Variants in RAP1GAP2 observed in about 807,000 individuals in gnomAD.
RAP1GAP2 encodes the protein RAP1 GTPase activating protein 2.
RAP1GAP2 carries 27 observed loss-of-function variants against 95.0 expected under a neutral mutation model. That is an observed-to-expected ratio of 0.28 (90% CI 0.21 to 0.39). RAP1GAP2 has a LOEUF of 0.39. RAP1GAP2 is among the 10% of genes least tolerant of loss of function. The pLI is 1.00. For synonymous variants in RAP1GAP2, 373 were observed against 380.9 expected, an observed-to-expected ratio of 0.98 and a Z score of 0.24; for missense variants, 771 against 970.0, an observed-to-expected ratio of 0.79 and a Z score of 2.72.
At chr17:2,972,598 CAAAAA>C (rs35539479) in intron 8 of RAP1GAP2, among the ~76,000 whole-genome samples, 1 of 85,530 alleles carries the variant, frequency 1.2e-5, no homozygotes, top group African/African-American at 5.1e-5. Flanking sequence ...AAGTCCTTCT[CAAAAA>C]AAAAAAAAAA....
At chr17:2,839,786 T>C (rs1373438919) in intron 2 of RAP1GAP2, among the ~76,000 whole-genome samples, 1 of 152,172 alleles carries the variant, frequency 6.6e-6, no homozygotes, top group Admixed American at 6.6e-5. Context: ...AGACCAGGTA[T>C]AGAACCATTT....
At chr17:2,786,180 C>T (rs961894144) in intron 1 of RAP1GAP2, among the ~76,000 whole-genome samples, 15 of 152,124 alleles carry the variant, frequency 9.9e-5, no homozygotes, top group Admixed American at 5.9e-4. Context: ...GGATTACAGG[C>T]GTGAGCCACC....
intron 13 of RAP1GAP2, 106 bp downstream of exon 13, chr17:2,995,572 T>G: frequency 6.9e-7 from 1 of 1,443,158 alleles, no homozygotes. Context: ...TTCGTTCCCG[T>G]AGCCGGCCAT....
intron 3 of RAP1GAP2, among the ~76,000 whole-genome samples, chr17:2,924,885 G>A (rs1597623769): frequency 6.6e-6 from 1 of 152,160 alleles, no homozygotes; most frequent in Admixed American, 6.5e-5. Flanking sequence ...TTCCTCCGGG[G>A]GGCTAGTGGG....
chr17:2,841,463 G>A (rs1480765275), intron 2 of RAP1GAP2, among the ~76,000 whole-genome samples: 2 of 151,396 alleles, frequency 1.3e-5, no homozygotes, highest in Non-Finnish European at 2.9e-5. Flanking sequence ...GCCACCACAC[G>A]CGGCTAATTT....
chr17:3,027,098 C>A lies in RAP1GAP2; in HGVS notation c.2107+28C>A. ...CAGTGGCATCTGGTGGTGTGTGTGA[C>A]GTCACCAGGAGGGCAGGCTGTGCCC... On this transcript the variant is annotated intron_variant, in intron 22 of 24. Coordinates refer to ENST00000254695, the MANE Select transcript of RAP1GAP2 (RefSeq NM_015085.5). This position sits in a 1 kb window ranked among gnomAD's most constrained non-coding sequence, Gnocchi z 5.2. 1 of 1,555,220 alleles carries A rather than the reference C, an allele frequency of 6.4e-7. No individual in the cohort carries two copies. The highest frequency in any genetic ancestry group is 8.7e-7 in the Non-Finnish European group (1 of 1,148,342).
rs1012288270 is a variant in RAP1GAP2 at position 2,786,334 on chromosome 17, C to T, written c.-14+9056C>T. On this transcript the variant is annotated intron_variant, in intron 1 of 24. Transcript: ENST00000540393. ...CCAGGTGGTGGTTGCTTATCTTTTGCAGGAGGAGGATTTCCCCCTCCCTTC... is the reference window on the plus strand; with the variant it reads ...CCAGGTGGTGGTTGCTTATCTTTTGTAGGAGGAGGATTTCCCCCTCCCTTC... 2.6e-5 allele frequency among the ~76,000 whole-genome samples: 4 copies of T among 152,362 alleles called. No homozygotes were observed. The South Asian group carries it at 8.3e-4, about 32-fold the overall frequency.
intron 3 of RAP1GAP2, among the ~76,000 whole-genome samples, chr17:2,945,096 C>T (rs28895935): frequency 0.082 from 12,519 of 152,082 alleles, 1,030 homozygotes; most frequent in African/African-American, 0.21. Flanking sequence ...AGGATGGCCT[C>T]GATCTCCTGA....
intron 1 of RAP1GAP2, among the ~76,000 whole-genome samples, chr17:2,798,879 C>T (rs545075573): frequency 1.3e-5 from 2 of 152,282 alleles, no homozygotes; most frequent in African/African-American, 2.4e-5. Context: ...GTGCGGTGGG[C>T]GGGGCTGACC....
At chr17:2,936,058 C>T (rs938205864) in intron 3 of RAP1GAP2, among the ~76,000 whole-genome samples, 5 of 151,702 alleles carry the variant, frequency 3.3e-5, no homozygotes, top group South Asian at 4.2e-4. Context: ...ACCGCCATCT[C>T]CTCTCCCTGT....
At chr17:3,024,876 C>T (rs770717265) in intron 19 of RAP1GAP2, among the ~76,000 whole-genome samples, 8 of 152,108 alleles carry the variant, frequency 5.3e-5, no homozygotes, top group South Asian at 2.1e-4. Flanking sequence ...GTGATGGCTT[C>T]GGGATTGGGT....
intron 2 of RAP1GAP2, among the ~76,000 whole-genome samples, chr17:2,840,384 A>T (rs951827724): frequency 6.6e-6 from 1 of 151,954 alleles, no homozygotes; most frequent in Non-Finnish European, 1.5e-5. Flanking sequence ...GCTGGTCTCA[A>T]ACTCCTGACC....
upstream of RAP1GAP2, among the ~76,000 whole-genome samples, chr17:2,772,855 C>CTTTTTTTTTTTTTTTTTTTT (rs773565092): frequency 7.1e-5 from 9 of 126,026 alleles, no homozygotes; most frequent in Non-Finnish European, 1.2e-4. Flanking sequence ...TTCTTTCTTT[C>CTTTTTTTTTTTTTTTTTTTT]TTTTTTTTTT....
intron 22 of RAP1GAP2, among the ~76,000 whole-genome samples, chr17:3,030,670 T>G (rs1300875790): frequency 6.6e-6 from 1 of 152,236 alleles, no homozygotes; most frequent in African/African-American, 2.4e-5. Flanking sequence ...TTACCTCTGT[T>G]GAATATAATT....
chr17:2,788,585 C>T (rs1454119593), intron 1 of RAP1GAP2, among the ~76,000 whole-genome samples: 1 of 152,112 alleles, frequency 6.6e-6, no homozygotes, highest in Admixed American at 6.6e-5. Context: ...GAGCCCCAGC[C>T]AGGCATGAGC....
chr17:2,801,722 G>A (rs1446097785), intron 2 of RAP1GAP2, among the ~76,000 whole-genome samples: 2 of 150,864 alleles, frequency 1.3e-5, no homozygotes, highest in Non-Finnish European at 3.0e-5. Context: ...GGCTTTCTGA[G>A]GCTCCCACGC....
chr17:3,020,471 C>T lies in RAP1GAP2; in HGVS notation c.1633-6C>T, dbSNP rs750296095. The stretch of plus-strand genomic sequence containing the variant: ...GGAGCACTCATTTTGGCAATTTCAT[C>T]GACAGCCTCCAGTGGTGGCGGCAAC... On this transcript the variant is annotated splice_region_variant and splice_polypyrimidine_tract_variant and intron_variant, in intron 18 of 24. Coordinates refer to ENST00000254695, the MANE Select transcript of RAP1GAP2 (RefSeq NM_015085.5). 3.5e-5 allele frequency: 56 copies of T among 1,611,300 alleles called. 2 individuals carry two copies. The highest frequency in any genetic ancestry group is 1.5e-4 in the Admixed American group (9 of 59,862).
chr17:2,956,609 C>T (rs866616514), intron 3 of RAP1GAP2, among the ~76,000 whole-genome samples: 4 of 152,254 alleles, frequency 2.6e-5, no homozygotes, highest in South Asian at 2.1e-4. Context: ...CATGACCTCC[C>T]GGCTTCGCGG....
chr17:2,802,158 C>A (rs1161635314), intron 2 of RAP1GAP2, among the ~76,000 whole-genome samples: 2 of 152,218 alleles, frequency 1.3e-5, no homozygotes, highest in South Asian at 4.1e-4. Flanking sequence ...GTCACTCCCC[C>A]ATCTCGGCAG....
Sources: allele counts gnomAD v4.1 joint callset (sites outside exome capture counted in the v4.1 genomes callset), GRCh38; gene constraint gnomAD v4.1.1; non-coding constraint Gnocchi (gnomAD v3.1); transcripts MANE v1.5; gene names NCBI Gene and HGNC (gene_info 2026-07-23, HGNC 2026-07-21).